TEX14: variants seen among roughly 807,000 people sequenced by gnomAD.
The protein encoded by TEX14 is inactive serine/threonine-protein kinase TEX14.
In TEX14, 168 loss-of-function variants were observed where a neutral mutation model predicts 178.6. That is an observed-to-expected ratio of 0.94 (90% CI 0.83 to 1.07). TEX14 has a LOEUF of 1.07. Ranked by LOEUF, TEX14 falls within the 50% of genes least tolerant of loss-of-function variation. The probability of loss-of-function intolerance (pLI) is 0.00; values close to 1 mark genes in which losing one functional copy is unlikely to be tolerated. For missense variants in TEX14, 1,730 were observed against 1,753.6 expected (o/e 0.99, Z 0.24); for synonymous variants, 626 against 634.1 (o/e 0.99, Z 0.19).
At chr17:58,656,497 T>G (rs1055475477) in intron 1 of TEX14, among the ~76,000 whole-genome samples, 2 of 151,816 alleles carry the variant, frequency 1.3e-5, no homozygotes, top group Non-Finnish European at 2.9e-5. Context: ...GGCTCATGCC[T>G]GTAATCCCAA....
intron 2 of TEX14, among the ~76,000 whole-genome samples, chr17:58,643,947 C>A (rs574750533): frequency 2.0e-5 from 3 of 149,046 alleles, no homozygotes; most frequent in Non-Finnish European, 4.5e-5. Flanking sequence ...TTCTCCCCCG[C>A]CCCCCCCAAA....
chr17:58,584,743 G>A (rs931919423), intron 18 of TEX14, 143 bp from the exon 19 acceptor site: 6 of 664,358 alleles, frequency 9.0e-6, no homozygotes. Context: ...TCAGTCCAGA[G>A]AGTAGAGACT....
chr17:58,649,141 G>A (rs1445421648), intron 2 of TEX14, among the ~76,000 whole-genome samples: 1 of 146,530 alleles, frequency 6.8e-6, no homozygotes, highest in African/African-American at 2.5e-5. Context: ...GTGCAATGGC[G>A]CAATCTCGGC....
intron 2 of TEX14, among the ~76,000 whole-genome samples, chr17:58,632,261 A>AGC (rs1305471342): frequency 6.6e-6 from 1 of 152,232 alleles, no homozygotes; most frequent in Non-Finnish European, 1.5e-5. Context: ...ATATTTGCAT[A>AGC]GCGCGCCCTA....
intron 11 of TEX14, among the ~76,000 whole-genome samples, chr17:58,603,409 C>T (rs2045516150): frequency 1.3e-5 from 2 of 151,680 alleles, no homozygotes; most frequent in South Asian, 4.2e-4. Context: ...CAAAAATTAG[C>T]TGGGTGTGGT....
chr17:58,662,223 G>A (rs1567765533), intron 1 of TEX14, among the ~76,000 whole-genome samples: 1 of 151,694 alleles, frequency 6.6e-6, no homozygotes, highest in Admixed American at 6.6e-5. Flanking sequence ...GGCCGAGGTG[G>A]GCGGACTAGG....
chr17:58,667,606 C>T (rs886471153), intron 1 of TEX14, among the ~76,000 whole-genome samples: 6 of 152,248 alleles, frequency 3.9e-5, no homozygotes, highest in East Asian at 1.9e-4. Context: ...CTTTGCTGGC[C>T]GGGTGCAGTG....
chr17:58,686,818 T>A (rs1219451198), intron 1 of TEX14, among the ~76,000 whole-genome samples: 1 of 151,198 alleles, frequency 6.6e-6, no homozygotes, highest in South Asian at 2.1e-4. Context: ...CAACATTGAC[T>A]TCTTTCTCCT....
intron 1 of TEX14, among the ~76,000 whole-genome samples, chr17:58,690,228 G>A (rs1040543499): frequency 2.0e-5 from 3 of 151,578 alleles, no homozygotes; most frequent in African/African-American, 4.9e-5. Flanking sequence ...GTGGAGTTAC[G>A]CAATCTCAGC....
chr17:58,602,093 G>T, intron 12 of TEX14, 137 bp from the exon 13 acceptor site: 1 of 882,800 alleles, frequency 1.1e-6, no homozygotes, highest in Non-Finnish European at 1.7e-6. Flanking sequence ...TAATTAACTA[G>T]TTTATTGTTA....
chr17:58,617,691 A>G lies in TEX14; in HGVS notation c.555-72T>C, dbSNP rs2045904811. On this transcript the variant is annotated intron_variant, in intron 5 of 31. Coordinates refer to ENST00000349033, the MANE Select transcript of TEX14 (RefSeq NM_031272.5). ...TATCCAGAATAATAATGCTGAACCA[A>G]GTTTTCAGAAGGTGTAGTTGACTTT... The G allele has an allele frequency of 5.7e-6, 6 of 1,053,846 alleles. No individual in the cohort carries two copies. In the Admixed American group the frequency reaches 1.3e-4, roughly 22 times the overall value. 65.3% of individuals were successfully genotyped at this position (1,053,846 alleles called of 1,614,324 possible).
In TEX14 at chr17:58,656,722, C is replaced by A. The variant is rs190342961; in HGVS notation, c.-1-4720G>T. Among the ~76,000 whole-genome samples the A allele has an allele frequency of 1.1e-3, 158 of 149,818 alleles. 1 individual carries two copies. The highest frequency in any genetic ancestry group is 3.7e-3 in the African/African-American group (150 of 40,592). On this transcript the variant is annotated intron_variant, in intron 1 of 31. Coordinates refer to ENST00000349033, the MANE Select transcript of TEX14 (RefSeq NM_031272.5). Reference sequence around the variant, plus strand: ...TGAGCCAAGATCGCACCACTGCGCTCCAGCCTAGGCAACACAGGGACTCTG... The same window carrying A: ...TGAGCCAAGATCGCACCACTGCGCTACAGCCTAGGCAACACAGGGACTCTG...
At chr17:58,631,936 A>G (rs938467177) in intron 2 of TEX14, 6 of 152,248 alleles carry the variant, frequency 3.9e-5, no homozygotes, top group African/African-American at 1.4e-4. Flanking sequence ...AAATATTACT[A>G]TGTGTTTTTT....
At chr17:58,565,349 T>C (rs1473038564) in intron 27 of TEX14, among the ~76,000 whole-genome samples, 1 of 152,198 alleles carries the variant, frequency 6.6e-6, no homozygotes, top group Non-Finnish European at 1.5e-5. Flanking sequence ...TGTTTCTAAC[T>C]TGGAGCTCCA....
Position 58,630,523 on chromosome 17 carries a change from G to A in TEX14, c.168C>T (p.Gly56=). ...GIYVDAVNSL[G]QTALFVAALL... ...ACGCCGCAACAAAAAGTGCTGTTTGGCCCAAGGAGTTAACTGCATCAACAT... is the reference window on the plus strand; with the variant it reads ...ACGCCGCAACAAAAAGTGCTGTTTGACCCAAGGAGTTAACTGCATCAACAT... Residue 56 remains glycine, a synonymous_variant, in exon 3 of 32, where the codon GGC becomes GGT. Coordinates refer to ENST00000349033, the MANE Select transcript of TEX14 (RefSeq NM_031272.5). The A allele has an allele frequency of 6.2e-7, 1 of 1,613,916 alleles. No homozygotes were observed. Among genetic ancestry groups the A allele is most frequent in the Non-Finnish European group, 8.5e-7 (1 of 1,179,876 alleles).
rs572011183 is a variant in TEX14 at position 58,583,512 on chromosome 17, G to C, written c.3171+988C>G. Among the ~76,000 whole-genome samples, 5 of 152,200 alleles carry C rather than the reference G, an allele frequency of 3.3e-5. No individual in the cohort carries two copies. The East Asian group carries it at 9.6e-4, about 29-fold the overall frequency. On this transcript the variant is annotated intron_variant, in intron 19 of 31. Transcript: ENST00000349033. Reference sequence around the variant, plus strand: ...ACTCCTGGCTTTAAGCGATCCTCCAGCTTCAGCCTCCCAATGTACTGGAAT... The same window carrying C: ...ACTCCTGGCTTTAAGCGATCCTCCACCTTCAGCCTCCCAATGTACTGGAAT...
At chr17:58,647,660 T>A (rs979592917) in intron 2 of TEX14, among the ~76,000 whole-genome samples, 1 of 151,444 alleles carries the variant, frequency 6.6e-6, no homozygotes, top group Non-Finnish European at 1.5e-5. Flanking sequence ...AAAATCTCAA[T>A]CTTTCAACAA....
intron 1 of TEX14, among the ~76,000 whole-genome samples, chr17:58,656,516 G>C (rs1355965639): frequency 6.6e-6 from 1 of 152,128 alleles, no homozygotes; most frequent in Non-Finnish European, 1.5e-5. Flanking sequence ...AACAATTTGG[G>C]AGGGTGAGGC....
rs1401798095 is a variant in TEX14 at position 58,569,401 on chromosome 17, A to G, written c.3818-141T>C. 1.5e-6 allele frequency: 1 copy of G among 653,618 alleles called. No individual in the cohort carries two copies. The allele number at this position is 653,618 out of a possible 1,614,324, so 40.5% of individuals were successfully genotyped here. On this transcript the variant is annotated intron_variant, in intron 25 of 31. Transcript: ENST00000349033. The surrounding 1 kb of genome is among the most constrained non-coding windows in gnomAD (Gnocchi z 4.1). ...ACTAAGGAGGAAGGAAGCCTCTTACATAATAGTTCCAGTAGAGACCTCCTA... is the reference window on the plus strand; with the variant it reads ...ACTAAGGAGGAAGGAAGCCTCTTACGTAATAGTTCCAGTAGAGACCTCCTA...
Sources: gnomAD v4.1 joint callset for allele counts (sites outside exome capture counted in the v4.1 genomes callset) on GRCh38, gnomAD v4.1.1 for gene constraint, Gnocchi (gnomAD v3.1) non-coding constraint, MANE v1.5 for transcripts, NCBI Gene and HGNC (gene_info 2026-07-23, HGNC 2026-07-21) for gene names.